Variants in C2orf76 observed in about 807,000 individuals in gnomAD.
C2orf76 encodes the protein chromosome 2 open reading frame 76.
Under a neutral mutation model 16.9 loss-of-function variants are expected in C2orf76, and 23 were observed. The observed-to-expected ratio is 1.36, with a 90% CI of 0.98 to 1.93. The LOEUF is 1.93. Among genes scored for constraint, C2orf76 ranks in the 30% most tolerant of loss-of-function variants. The pLI is 0.00. For synonymous variants in C2orf76, 48 were observed against 52.3 expected (o/e 0.92, Z 0.35); for missense variants, 152 against 152.6 (o/e 1.00, Z 0.02).
chr2:119,353,869 A>G (rs1184675586), intron 1 of C2orf76, among the ~76,000 whole-genome samples: 1 of 151,966 alleles, frequency 6.6e-6, no homozygotes, highest in African/African-American at 2.4e-5. Flanking sequence ...AGCCCCAAGA[A>G]TTTTCTTTTT....
intron 2 of C2orf76, among the ~76,000 whole-genome samples, chr2:119,332,290 A>AT (rs1679700506): frequency 2.0e-5 from 3 of 151,966 alleles, no homozygotes; most frequent in Non-Finnish European, 2.9e-5. Context: ...AAGGAAAAAA[A>AT]AAATAAAACT....
the C2orf76 span, among the ~76,000 whole-genome samples, chr2:119,284,896 T>C: frequency 6.6e-6 from 1 of 152,162 alleles, no homozygotes; most frequent in Non-Finnish European, 1.5e-5. Flanking sequence ...GAAAAACCTC[T>C]AAAATTTGAA....
chr2:119,296,512 C>T, the C2orf76 span, among the ~76,000 whole-genome samples: 2 of 152,138 alleles, frequency 1.3e-5, no homozygotes, highest in Non-Finnish European at 2.9e-5. Flanking sequence ...ACACTCAGGC[C>T]CACGATGCCC....
chr2:119,286,248 G>GCAAGGCC, the C2orf76 span, among the ~76,000 whole-genome samples: 458 of 128,096 alleles, frequency 3.6e-3, 3 homozygotes, highest in African/African-American at 0.013. Context: ...AAAAAAAAAA[G>GCAAGGCC]CAAGGCCACA....
downstream of C2orf76, among the ~76,000 whole-genome samples, chr2:119,298,040 C>T (rs1211075162): frequency 6.6e-6 from 1 of 151,982 alleles, no homozygotes; most frequent in Non-Finnish European, 1.5e-5. Flanking sequence ...AACTCCTAGG[C>T]TCAAGCAATC....
intron 1 of C2orf76, among the ~76,000 whole-genome samples, chr2:119,344,954 T>A (rs1680151970): frequency 6.6e-6 from 1 of 152,134 alleles, no homozygotes; most frequent in South Asian, 2.1e-4. Context: ...TTGAGAAAAC[T>A]AATAATGGAT....
chr2:119,334,717 T>C (rs1679791624), intron 2 of C2orf76, among the ~76,000 whole-genome samples: 2 of 150,320 alleles, frequency 1.3e-5, no homozygotes, highest in South Asian at 2.1e-4. Context: ...TATATATATA[T>C]ATATTTAAGA....
chr2:119,322,620 A>G (rs1420696581), intron 2 of C2orf76, among the ~76,000 whole-genome samples: 1 of 152,180 alleles, frequency 6.6e-6, no homozygotes, highest in Non-Finnish European at 1.5e-5. Flanking sequence ...AAAAGTCCAA[A>G]TGTCCTTCAA....
chr2:119,317,413 C>G (rs1248211438), intron 4 of C2orf76, 53 bp downstream of exon 4: 18 of 1,361,012 alleles, frequency 1.3e-5, no homozygotes, highest in Non-Finnish European at 1.6e-5. Flanking sequence ...TTCACAAATT[C>G]AACCAACATT....
the C2orf76 span, among the ~76,000 whole-genome samples, chr2:119,292,041 C>T: frequency 2.0e-5 from 3 of 152,118 alleles, no homozygotes; most frequent in Non-Finnish European, 4.4e-5. Flanking sequence ...AAGCGGAGCT[C>T]TCTCTTCCCA....
intron 5 of C2orf76, among the ~76,000 whole-genome samples, chr2:119,308,138 A>T (rs1057133983): frequency 1.3e-5 from 2 of 152,240 alleles, no homozygotes; most frequent in Non-Finnish European, 2.9e-5. Flanking sequence ...TTTAAAAAAA[A>T]TTCGTCCTTT....
At chr2:119,288,755 C>T in the C2orf76 span, among the ~76,000 whole-genome samples, 2 of 152,012 alleles carry the variant, frequency 1.3e-5, no homozygotes, top group African/African-American at 4.8e-5. Context: ...AGGCCTTGCT[C>T]AGGCCAGAGA....
intron 4 of C2orf76, among the ~76,000 whole-genome samples, chr2:119,313,768 C>T (rs576106564): frequency 6.6e-4 from 100 of 152,152 alleles, no homozygotes; most frequent in Non-Finnish European, 1.2e-3. Context: ...ACCCTCCCAA[C>T]ACAGTATATT....
At chr2:119,313,936 A>G (rs1434825040) in intron 4 of C2orf76, among the ~76,000 whole-genome samples, 4 of 150,254 alleles carry the variant, frequency 2.7e-5, no homozygotes, top group African/African-American at 9.8e-5. Context: ...GCATCTTCAC[A>G]TGCTAAGGAA....
intron 1 of C2orf76, among the ~76,000 whole-genome samples, chr2:119,344,464 T>C (rs1292043471): frequency 1.3e-5 from 2 of 152,150 alleles, no homozygotes; most frequent in Non-Finnish European, 2.9e-5. Flanking sequence ...AAGATTTAAA[T>C]AAATGAAATG....
the C2orf76 span, among the ~76,000 whole-genome samples, chr2:119,292,602 G>A: frequency 1.3e-5 from 2 of 152,152 alleles, no homozygotes; most frequent in African/African-American, 2.4e-5. Context: ...CCAGAGCTCA[G>A]TCTATACCAC....
At chr2:119,344,964 T>A (rs1680152330) in intron 1 of C2orf76, among the ~76,000 whole-genome samples, 1 of 152,100 alleles carries the variant, frequency 6.6e-6, no homozygotes, top group African/African-American at 2.4e-5. Context: ...TAATAATGGA[T>A]TTGGGGAAAA....
downstream of C2orf76, among the ~76,000 whole-genome samples, chr2:119,300,209 C>T (rs778208072): frequency 3.3e-4 from 50 of 152,194 alleles, no homozygotes; most frequent in Non-Finnish European, 6.3e-4. Flanking sequence ...AATGAGATAA[C>T]ATATGTAAAT....
chr2:119,296,666 G>A, the C2orf76 span, among the ~76,000 whole-genome samples: 5 of 152,218 alleles, frequency 3.3e-5, no homozygotes, highest in African/African-American at 1.2e-4. Context: ...TCCTGCCTGT[G>A]TCTGGGGCAG....
Sources: allele counts gnomAD v4.1 joint callset (sites outside exome capture counted in the v4.1 genomes callset), GRCh38; gene constraint gnomAD v4.1.1; transcripts MANE v1.5; gene names NCBI Gene and HGNC (gene_info 2026-07-23, HGNC 2026-07-21).